The following C11orf97 variants were observed in gnomAD, a reference collection of about 807,000 sequenced individuals.
The protein encoded by C11orf97 is uncharacterized protein C11orf97.
In C11orf97, 15 loss-of-function variants were observed where a neutral mutation model predicts 16.2. The observed-to-expected ratio is 0.93, with a 90% CI of 0.62 to 1.43. The LOEUF (loss-of-function observed/expected upper bound fraction) is 1.43, where lower values mean the gene tolerates loss of function less well. C11orf97 is among the 40% of genes most tolerant of loss of function. The pLI, the probability that C11orf97 is intolerant of heterozygous loss-of-function variation, is 0.00. For missense variants in C11orf97, 171 were observed against 161.2 expected (o/e 1.06, Z -0.33); for synonymous variants, 61 against 65.7 (o/e 0.93, Z 0.34).
intron 1 of C11orf97, among the ~76,000 whole-genome samples, chr11:94,515,738 C>A (rs549887771): frequency 6.6e-6 from 1 of 151,420 alleles, no homozygotes; most frequent in East Asian, 1.9e-4. Context: ...AAAGTTCTGC[C>A]CCCTCTCCCC....
In C11orf97 at chr11:94,512,672, G is replaced by A. The variant is rs569188940; in HGVS notation, c.144G>A (p.Gln48=). 4.0e-6 allele frequency: 5 copies of A among 1,239,926 alleles called. No individual in the cohort carries two copies. Among genetic ancestry groups the A allele is most frequent in the Non-Finnish European group, 5.0e-6 (5 of 991,584 alleles). 76.8% of individuals were successfully genotyped at this position (1,239,926 alleles called of 1,614,324 possible). A position where few individuals can be genotyped will look rare whatever the true frequency, so the allele number is the denominator to read the frequency against. The stretch of plus-strand genomic sequence containing the variant: ...GCGGCCCCCTAGAGCACGGCCAGCA[G>A]TGTGAGTTCAGCTCCAGCCGCGGAC... ...PGRGPLEHGQ[Q]WKKFLYCEPH... The change falls in exon 1 of 4, where the codon CAG becomes CAA. Residue 48 remains glutamine, a splice_region_variant and synonymous_variant. Transcript: ENST00000542198.
intron 2 of C11orf97, among the ~76,000 whole-genome samples, chr11:94,520,498 A>G (rs1215063694): frequency 2.0e-5 from 3 of 152,036 alleles, no homozygotes; most frequent in Non-Finnish European, 4.4e-5. Flanking sequence ...TCTACCCTAT[A>G]CTTTTCCCCT....
intron 1 of C11orf97, among the ~76,000 whole-genome samples, chr11:94,516,844 T>G (rs1318381091): frequency 2.6e-5 from 4 of 152,124 alleles, no homozygotes; most frequent in Non-Finnish European, 1.5e-5. Context: ...AAGGTAGGAA[T>G]GAACAGAAGG....
rs1201543472 is a variant in C11orf97 at position 94,528,206 on chromosome 11, A to G, written c.373A>G (p.Arg125Gly). The change falls in exon 3 of 4, where the codon AGA (arginine) becomes GGA (glycine). Residue 125 changes from arginine to glycine, a missense_variant. Transcript: ENST00000542198. The part of the protein sequence containing the change: ...AKYYSRHGGL[R>G]R ...GTACTACTCCAGGCACGGAGGACTC[A>G]GAAGTAAGACCCTGATGCCCTTGAC... 3 of 1,533,426 alleles carry G rather than the reference A, an allele frequency of 2.0e-6. No individual in the cohort carries two copies. In the Admixed American group the frequency reaches 6.0e-5, roughly 31 times the overall value. 95.0% of individuals were successfully genotyped at this position (1,533,426 alleles called of 1,614,324 possible).
At chr11:94,529,576 G>A (rs900690712) in intron 3 of C11orf97, among the ~76,000 whole-genome samples, 1 of 152,162 alleles carries the variant, frequency 6.6e-6, no homozygotes, top group Non-Finnish European at 1.5e-5. Flanking sequence ...GAAAACTGAG[G>A]CATAGAGACA....
chr11:94,525,326 CA>C (rs1251700098), intron 2 of C11orf97, among the ~76,000 whole-genome samples: 6 of 152,252 alleles, frequency 3.9e-5, no homozygotes, highest in Non-Finnish European at 7.4e-5. Context: ...TCCCCTTACA[CA>C]ACACTTCCTT....
chr11:94,521,857 G>A lies in C11orf97; in HGVS notation c.250+4170G>A, dbSNP rs149323535. Among the ~76,000 whole-genome samples, 62 of 152,284 alleles carry A rather than the reference G, an allele frequency of 4.1e-4. No individual in the cohort carries two copies. The East Asian group carries it at 0.011, about 28-fold the overall frequency. On this transcript the variant is annotated intron_variant, in intron 2 of 3. Coordinates refer to ENST00000542198, the MANE Select transcript of C11orf97 (RefSeq NM_001190462.2). ...CTCACTATGGTGTCTCTGGTGACAC[G>A]TTATGGCTAAATGCAGTGGATACTG...
chr11:94,517,285 G>A (rs533305235), intron 1 of C11orf97, among the ~76,000 whole-genome samples: 1 of 152,226 alleles, frequency 6.6e-6, no homozygotes, highest in African/African-American at 2.4e-5. Flanking sequence ...TTCAACAAAC[G>A]AGTGCAAGTT....
intron 3 of C11orf97, 149 bp from the exon 4 acceptor site, chr11:94,531,747 T>G: frequency 1.8e-6 from 1 of 556,442 alleles, no homozygotes; most frequent in Non-Finnish European, 2.9e-6. Context: ...TAGTGGCTTT[T>G]CTGGTTACTG....
chr11:94,523,050 T>C (rs1001999616), intron 2 of C11orf97, among the ~76,000 whole-genome samples: 3 of 152,144 alleles, frequency 2.0e-5, no homozygotes, highest in Non-Finnish European at 4.4e-5. Flanking sequence ...CTATGTATGT[T>C]CACGTGCCCG....
intron 2 of C11orf97, among the ~76,000 whole-genome samples, chr11:94,519,912 C>G (rs1226895033): frequency 1.3e-5 from 2 of 152,234 alleles, no homozygotes; most frequent in Non-Finnish European, 2.9e-5. Flanking sequence ...TGGACATTTG[C>G]TTCTAATTCG....
rs572219552 is a variant in C11orf97, at chr11:94,530,363, A to G, written c.377-1533A>G. Among the ~76,000 whole-genome samples the G allele has an allele frequency of 7.9e-4, 120 of 152,342 alleles. 2 individuals are homozygous for G. Among genetic ancestry groups the G allele is most frequent in the Admixed American group, 3.3e-3 (51 of 15,300 alleles). On this transcript the variant is annotated intron_variant, in intron 3 of 3. Coordinates refer to ENST00000542198, the MANE Select transcript of C11orf97 (RefSeq NM_001190462.2). ...TTTTTGTCATATCATATGAGCTGCT[A>G]CTATCTGCTGTACAATCACAATTGA...
intron 1 of C11orf97, among the ~76,000 whole-genome samples, chr11:94,512,966 C>CAT (rs1491007208): frequency 3.6e-5 from 5 of 139,360 alleles, no homozygotes; most frequent in African/African-American, 1.3e-4. Context: ...CACACACACA[C>CAT]ATTTATATGT....
rs578090252 is a variant in C11orf97 at position 94,530,610 on chromosome 11, A to G, written c.377-1286A>G. On this transcript the variant is annotated intron_variant, in intron 3 of 3. Transcript: ENST00000542198. ...CACTTAGCACAGTGCCTGGCACAGT[A>G]GGTGCTCAATTGCTATTAGTCATGA... Among the ~76,000 whole-genome samples, 6 of 152,356 alleles carry G rather than the reference A, an allele frequency of 3.9e-5. No homozygotes were observed. In the East Asian group the frequency reaches 1.2e-3, roughly 29 times the overall value.
At chr11:94,523,533 A>G (rs16924595) in intron 2 of C11orf97, among the ~76,000 whole-genome samples, 4,424 of 152,320 alleles carry the variant, frequency 0.029, 146 homozygotes, top group African/African-American at 0.078. Context: ...CTGTCCTGGA[A>G]GTAAACAACT....
chr11:94,524,586 GAAAAAAAA>G (rs56304137), intron 2 of C11orf97, among the ~76,000 whole-genome samples: 1 of 115,416 alleles, frequency 8.7e-6, no homozygotes, highest in Non-Finnish European at 1.7e-5. Flanking sequence ...ACCTCATCCT[GAAAAAAAA>G]AAAAAAAAAG....
At chr11:94,522,315 C>T (rs566003977) in intron 2 of C11orf97, among the ~76,000 whole-genome samples, 28 of 152,300 alleles carry the variant, frequency 1.8e-4, no homozygotes, top group African/African-American at 6.7e-4. Flanking sequence ...ACGGGCGTAT[C>T]ACGAGGTCAG....
chr11:94,517,760 A>G (rs1163838331), intron 2 of C11orf97, 73 bp downstream of exon 2: 27 of 1,012,326 alleles, frequency 2.7e-5, no homozygotes, highest in Non-Finnish European at 3.3e-5. Context: ...AGAGTATTTT[A>G]TTATAAAACC....
In C11orf97 at chr11:94,512,605, C is replaced by T. The variant is rs772103952; in HGVS notation, c.77C>T (p.Pro26Leu). The part of the protein sequence containing the change: ...KAGREEEQPP[P>L]PAGLGCGARG... ...GGTCGCGAAGAGGAGCAGCCTCCTCCGCCAGCAGGGCTGGGGTGCGGGGCG... is the reference window on the plus strand; with the variant it reads ...GGTCGCGAAGAGGAGCAGCCTCCTCTGCCAGCAGGGCTGGGGTGCGGGGCG... Residue 26 changes from proline to leucine, a missense_variant, in exon 1 of 4, where the codon CCG (proline) becomes CTG (leucine). Physicochemically the swap from Pro to Leu is moderately conservative, Grantham distance 98 (BLOSUM62 -3). Transcript: ENST00000542198. The T allele has an allele frequency of 3.9e-6, 5 of 1,276,660 alleles. No individual in the cohort carries two copies. Among genetic ancestry groups the T allele is most frequent in the South Asian group, 2.5e-5 (1 of 39,604 alleles). The allele number at this position is 1,276,660 out of a possible 1,614,324, so 79.1% of individuals were successfully genotyped here.
Sources: allele counts gnomAD v4.1 joint callset (sites outside exome capture counted in the v4.1 genomes callset), GRCh38; gene constraint gnomAD v4.1.1; transcripts MANE v1.5; gene names NCBI Gene and HGNC (gene_info 2026-07-23, HGNC 2026-07-21).